Variants in PCDHGA1 observed in about 807,000 individuals in gnomAD.
PCDHGA1 encodes protocadherin gamma-A1.
Under a neutral mutation model 58.0 loss-of-function variants are expected in PCDHGA1, and 32 were observed. The observed-to-expected ratio is 0.55, with a 90% CI of 0.42 to 0.74. The LOEUF (loss-of-function observed/expected upper bound fraction) is 0.74. Among genes scored for constraint, PCDHGA1 ranks in the 30% least tolerant of loss-of-function variants. The probability of loss-of-function intolerance (pLI) is 0.00; values close to 1 mark genes in which losing one functional copy is unlikely to be tolerated. For synonymous variants in PCDHGA1, 498 were observed against 501.1 expected (o/e 0.99, Z 0.08); for missense variants, 1,205 against 1,182.3 (o/e 1.02, Z -0.28).
chr5:141,486,645 C>T lies in PCDHGA1; in HGVS notation c.2422-8162C>T, dbSNP rs369948556. ...GACTCTGGCTTGAATGCGCTTATCT[C>T]CTACTCACTCCTGGAGCCCAGGAAT... On this transcript the variant is annotated intron_variant, in intron 1 of 3. Coordinates refer to ENST00000517417, the MANE Select transcript of PCDHGA1 (RefSeq NM_018912.3). This position sits in a 1 kb window ranked among gnomAD's most constrained non-coding sequence, Gnocchi z 5.0. 1.9e-6 allele frequency: 3 copies of T among 1,613,752 alleles called. No individual in the cohort carries two copies. The highest frequency in any genetic ancestry group is 2.2e-5 in the East Asian group (1 of 44,896).
intron 1 of PCDHGA1, chr5:141,375,758 G>C (rs1473514742): frequency 1.2e-6 from 2 of 1,614,230 alleles, no homozygotes; most frequent in East Asian, 2.2e-5. Flanking sequence ...GAATGACAAT[G>C]CGCCCGAGAT....
intron 1 of PCDHGA1, among the ~76,000 whole-genome samples, chr5:141,439,530 C>T (rs1003383726): frequency 6.6e-6 from 1 of 152,180 alleles, no homozygotes; most frequent in Non-Finnish European, 1.5e-5. Flanking sequence ...CTCTACAGAA[C>T]GCTGTCCTCT....
chr5:141,347,293 A>G (rs561898736), intron 1 of PCDHGA1, among the ~76,000 whole-genome samples: 2 of 151,984 alleles, frequency 1.3e-5, no homozygotes, highest in East Asian at 3.9e-4. Flanking sequence ...AGCTGGGACT[A>G]CAGGCACGAG....
intron 1 of PCDHGA1, chr5:141,414,582 C>T (rs2095761888): frequency 2.5e-6 from 4 of 1,613,862 alleles, no homozygotes; most frequent in Non-Finnish European, 3.4e-6. Flanking sequence ...CAGAGAACAA[C>T]GCCAGGGGTG....
At chr5:141,366,157 T>C (rs1277783884) in intron 1 of PCDHGA1, 1 of 1,614,080 alleles carries the variant, frequency 6.2e-7, no homozygotes, top group South Asian at 1.1e-5. Flanking sequence ...ACCGCCTGCT[T>C]AAGGCCAGCG....
intron 2 of PCDHGA1, among the ~76,000 whole-genome samples, chr5:141,497,893 C>T (rs1194262199): frequency 6.6e-6 from 1 of 152,132 alleles, no homozygotes; most frequent in Non-Finnish European, 1.5e-5. Flanking sequence ...GGATCTAGTC[C>T]AGTAACTTCA....
At chr5:141,336,323 C>T (rs185445584) in intron 1 of PCDHGA1, among the ~76,000 whole-genome samples, 22 of 152,068 alleles carry the variant, frequency 1.4e-4, no homozygotes, top group Admixed American at 3.3e-4. Flanking sequence ...TGAATCCAGC[C>T]GGGGCAGTAT....
intron 1 of PCDHGA1, chr5:141,433,240 C>A (rs533423214): frequency 1.3e-6 from 2 of 1,488,038 alleles, no homozygotes; most frequent in Non-Finnish European, 1.8e-6. Flanking sequence ...GTCTCCCAAG[C>A]TGGAATGCAG....
rs2099695710 is a variant in PCDHGA1, at chr5:141,490,068, A to G, written c.2422-4739A>G. On this transcript the variant is annotated intron_variant, in intron 1 of 3. Coordinates refer to ENST00000517417, the MANE Select transcript of PCDHGA1 (RefSeq NM_018912.3). This position sits in a 1 kb window ranked among gnomAD's most constrained non-coding sequence, Gnocchi z 5.4. ...ATCCAGACGAGGGCACCAACGGCCA[A>G]CTAGACTATTCTTTTGGAGACCACA... is the stretch of plus-strand genomic sequence containing the variant. 2 of 1,614,152 alleles carry G rather than the reference A, an allele frequency of 1.2e-6. No homozygotes were observed. The highest frequency in any genetic ancestry group is 1.6e-4 in the Middle Eastern group (1 of 6,084).
intron 1 of PCDHGA1, among the ~76,000 whole-genome samples, chr5:141,458,408 C>A (rs895785923): frequency 6.6e-6 from 1 of 151,932 alleles, no homozygotes; most frequent in East Asian, 1.9e-4. Flanking sequence ...AGAGACGGAG[C>A]GGGGGTTCCA....
intron 1 of PCDHGA1, among the ~76,000 whole-genome samples, chr5:141,460,285 T>C (rs1283830175): frequency 1.3e-5 from 2 of 152,154 alleles, no homozygotes; most frequent in Admixed American, 6.5e-5. Context: ...ATAGTTTGTA[T>C]TTCTTATGTC....
chr5:141,362,224 G>A (rs1762382542), intron 1 of PCDHGA1: 1 of 1,613,904 alleles, frequency 6.2e-7, no homozygotes, highest in African/African-American at 1.3e-5. Flanking sequence ...TGTGGCCTTG[G>A]CCTTGATCTC....
chr5:141,371,540 C>A, intron 1 of PCDHGA1: 1 of 1,613,728 alleles, frequency 6.2e-7, no homozygotes, highest in Non-Finnish European at 8.5e-7. Flanking sequence ...ATGGAGAAAT[C>A]CTATGCCAAC....
intron 1 of PCDHGA1, among the ~76,000 whole-genome samples, chr5:141,335,263 A>C (rs1756557349): frequency 6.6e-6 from 1 of 152,218 alleles, no homozygotes; most frequent in Non-Finnish European, 1.5e-5. Context: ...GACAAATATT[A>C]CAAAACTGGT....
At chr5:141,365,765 C>T (rs1446100014) in intron 1 of PCDHGA1, 3 of 1,613,848 alleles carry the variant, frequency 1.9e-6, no homozygotes, top group African/African-American at 1.3e-5. Context: ...AGCCCATGAC[C>T]CCGACAGCGG....
chr5:141,361,244 A>C, intron 1 of PCDHGA1: 1 of 1,613,994 alleles, frequency 6.2e-7, no homozygotes, highest in Non-Finnish European at 8.5e-7. Flanking sequence ...GCCTTGATAA[A>C]AACGAGAGAC....
In PCDHGA1 at chr5:141,476,707, G is replaced by A. The variant is rs1309848893; in HGVS notation, c.2422-18100G>A. 6.2e-7 allele frequency: 1 copy of A among 1,614,206 alleles called. No individual in the cohort carries two copies. The highest frequency in any genetic ancestry group is 1.7e-5 in the Admixed American group (1 of 60,032). On this transcript the variant is annotated intron_variant, in intron 1 of 3. Coordinates refer to ENST00000517417, the MANE Select transcript of PCDHGA1 (RefSeq NM_018912.3). This position sits in a 1 kb window ranked among gnomAD's most constrained non-coding sequence, Gnocchi z 7.6. ...ACAGCACCAAGTACGCGGAGCTGGT[G>A]TTGGAGCGCGCCCTGGACCGAGAAC...
chr5:141,445,129 A>G (rs1405841381), intron 1 of PCDHGA1, among the ~76,000 whole-genome samples: 3 of 152,226 alleles, frequency 2.0e-5, no homozygotes, highest in Non-Finnish European at 4.4e-5. Context: ...TATTTTTAAA[A>G]TTGTATCTTC....
chr5:141,512,712 A>G lies in PCDHGA1; in HGVS notation c.*1539A>G, dbSNP rs1362654237. 1 of 152,806 alleles carries G rather than the reference A, an allele frequency of 6.5e-6. No homozygotes were observed. The highest frequency in any genetic ancestry group is 2.4e-5 in the African/African-American group (1 of 41,414). 9.5% of individuals were successfully genotyped at this position (152,806 alleles called of 1,614,324 possible). On this transcript the variant is annotated 3_prime_UTR_variant, in exon 4 of 4. Coordinates refer to ENST00000517417, the MANE Select transcript of PCDHGA1 (RefSeq NM_018912.3). Reference sequence around the variant, plus strand: ...GTGTAGTGCGGTGTGCTTTTACGTGATGGCGGGTGGGCAGCGGGCGGCGGG... The same window carrying G: ...GTGTAGTGCGGTGTGCTTTTACGTGGTGGCGGGTGGGCAGCGGGCGGCGGG...
Sources: allele counts gnomAD v4.1 joint callset (sites outside exome capture counted in the v4.1 genomes callset), GRCh38; gene constraint gnomAD v4.1.1; non-coding constraint Gnocchi (gnomAD v3.1); transcripts MANE v1.5; gene names NCBI Gene and HGNC (gene_info 2026-07-23, HGNC 2026-07-21).